Variants in CSMD1 observed in about 807,000 individuals in gnomAD.
CSMD1 encodes CUB and sushi domain-containing protein 1.
CSMD1 carries 213 observed loss-of-function variants against 417.5 expected under a neutral mutation model. That is an observed-to-expected ratio of 0.51 (90% CI 0.46 to 0.57). The LOEUF (loss-of-function observed/expected upper bound fraction) is 0.57, where lower values mean the gene tolerates loss of function less well. Ranked by LOEUF, CSMD1 falls within the 20% of genes least tolerant of loss-of-function variation. The pLI is 0.00. For synonymous variants in CSMD1, 2,862 were observed against 1,736.8 expected (o/e 1.65, Z -16.11); for missense variants, 6,923 against 4,529.7 (o/e 1.53, Z -15.17).
At chr8:4,826,075 G>C (rs116210487) in intron 1 of CSMD1, among the ~76,000 whole-genome samples, 7 of 151,902 alleles carry the variant, frequency 4.6e-5, no homozygotes, top group East Asian at 3.9e-4. Flanking sequence ...AAACAATATG[G>C]AGTTTCCTCA....
intron 1 of CSMD1, among the ~76,000 whole-genome samples, chr8:4,976,510 C>T (rs901016809): frequency 6.6e-6 from 1 of 152,076 alleles, no homozygotes; most frequent in Admixed American, 6.6e-5. Flanking sequence ...TTTATCCTTA[C>T]CTCTGTGGCA....
At chr8:3,197,632 A>T (rs1796775478) in intron 33 of CSMD1, among the ~76,000 whole-genome samples, 1 of 151,624 alleles carries the variant, frequency 6.6e-6, no homozygotes, top group South Asian at 2.1e-4. Context: ...CGCCCGGCTA[A>T]TTTTTGTATT....
At position 3,701,270 on chromosome 8, in the gene CSMD1, A is replaced by C. The variant is rs187207720; in HGVS notation, c.1009+7144T>G. ...TCTGGAATTGGATCATCTCGGGACA[A>C]CTTTCCGAAGATGAATATGAGTGAG... is the stretch of plus-strand genomic sequence containing the variant. On this transcript the variant is annotated intron_variant, in intron 7 of 69. Transcript: ENST00000635120. 2.6e-3 allele frequency among the ~76,000 whole-genome samples: 399 copies of C among 152,284 alleles called. 1 individual carries two copies. The highest frequency in any genetic ancestry group is 9.4e-3 in the African/African-American group (390 of 41,566).
At chr8:4,787,746 G>C (rs1419442048) in intron 1 of CSMD1, 32 of 1,588,458 alleles carry the variant, frequency 2.0e-5, no homozygotes, top group Non-Finnish European at 2.6e-5. Context: ...AGGAACAGCT[G>C]ATTGCTGCAA....
intron 1 of CSMD1, among the ~76,000 whole-genome samples, chr8:4,945,303 T>A (rs114607760): frequency 6.6e-6 from 1 of 152,100 alleles, no homozygotes; most frequent in Non-Finnish European, 1.5e-5. Context: ...GCAAAATAAA[T>A]AAGTCCTGGA....
chr8:3,845,453 A>C (rs1440274976), intron 5 of CSMD1, among the ~76,000 whole-genome samples: 1 of 152,172 alleles, frequency 6.6e-6, no homozygotes, highest in East Asian at 1.9e-4. Context: ...ACCACAGAAA[A>C]GGTACAGCTG....
chr8:4,729,245 C>T (rs1488098034), intron 1 of CSMD1, among the ~76,000 whole-genome samples: 3 of 151,834 alleles, frequency 2.0e-5, no homozygotes, highest in South Asian at 2.1e-4. Flanking sequence ...ATTATGCTGA[C>T]GAGGAAAGAA....
rs1414082808 is a variant in CSMD1, at chr8:4,768,014, C to T, written c.86-130456G>A. ...ATGGTGGGCATTCAATTCACATTTA[C>T]GTTCAACAGACACATGCGTTGAGTT... On this transcript the variant is annotated intron_variant, in intron 1 of 69. Coordinates refer to ENST00000635120, the MANE Select transcript of CSMD1 (RefSeq NM_033225.6). 4.0e-5 allele frequency among the ~76,000 whole-genome samples: 6 copies of T among 151,868 alleles called. No homozygotes were observed. In the East Asian group the frequency reaches 1.2e-3, roughly 30 times the overall value.
At chr8:3,442,972 T>G (rs1315200598) in intron 12 of CSMD1, among the ~76,000 whole-genome samples, 1 of 152,196 alleles carries the variant, frequency 6.6e-6, no homozygotes. Context: ...TTTTATTAAT[T>G]TAAATCATTA....
At chr8:4,836,480 A>G (rs1244391702) in intron 1 of CSMD1, among the ~76,000 whole-genome samples, 10 of 152,180 alleles carry the variant, frequency 6.6e-5, no homozygotes, top group Non-Finnish European at 1.2e-4. Flanking sequence ...GGCGCTCTTG[A>G]ATACGGCAGA....
intron 3 of CSMD1, among the ~76,000 whole-genome samples, chr8:4,299,680 C>G (rs924482686): frequency 2.6e-5 from 4 of 152,284 alleles, no homozygotes; most frequent in South Asian, 2.1e-4. Context: ...TGTCGCCAGG[C>G]TGGATGCAGT....
At chr8:3,570,156 TA>T (rs1799884932) in intron 10 of CSMD1, among the ~76,000 whole-genome samples, 1 of 152,202 alleles carries the variant, frequency 6.6e-6, no homozygotes, top group Non-Finnish European at 1.5e-5. Flanking sequence ...TCAAAGAACA[TA>T]CATCATGAGT....
At chr8:3,515,110 G>C (rs541237968) in intron 10 of CSMD1, among the ~76,000 whole-genome samples, 2 of 152,172 alleles carry the variant, frequency 1.3e-5, no homozygotes, top group South Asian at 2.1e-4. Context: ...TAAAAAATCA[G>C]TCATTAATGT....
chr8:4,386,305 C>T (rs1398294154), intron 3 of CSMD1, among the ~76,000 whole-genome samples: 1 of 152,120 alleles, frequency 6.6e-6, no homozygotes, highest in East Asian at 1.9e-4. Context: ...ACAAAACACA[C>T]TATCAGACAT....
intron 3 of CSMD1, among the ~76,000 whole-genome samples, chr8:4,215,142 G>C (rs527401210): frequency 2.0e-5 from 3 of 152,214 alleles, no homozygotes; most frequent in Non-Finnish European, 4.4e-5. Flanking sequence ...AACCTAGGGA[G>C]AGGGGACGCA....
chr8:4,342,358 C>T (rs111811285), intron 3 of CSMD1, among the ~76,000 whole-genome samples: 1 of 152,000 alleles, frequency 6.6e-6, no homozygotes, highest in Non-Finnish European at 1.5e-5. Flanking sequence ...TATGTGTATA[C>T]ATTCTACAGC....
chr8:3,442,138 T>C (rs1360909545), intron 12 of CSMD1, among the ~76,000 whole-genome samples: 2 of 152,034 alleles, frequency 1.3e-5, no homozygotes, highest in Middle Eastern at 3.2e-3. Flanking sequence ...AATATTTTTG[T>C]GCAACTGTAC....
intron 1 of CSMD1, among the ~76,000 whole-genome samples, chr8:4,704,837 T>C (rs1807816509): frequency 6.6e-6 from 1 of 152,146 alleles, no homozygotes; most frequent in African/African-American, 2.4e-5. Context: ...TGCATCTCTA[T>C]GCTGATGGGG....
intron 1 of CSMD1, among the ~76,000 whole-genome samples, chr8:4,834,550 A>G (rs1417328566): frequency 1.3e-5 from 2 of 152,194 alleles, no homozygotes; most frequent in Non-Finnish European, 2.9e-5. Flanking sequence ...GAAAACAACC[A>G]ATAGAAGGGA....
Sources: allele counts gnomAD v4.1 joint callset (sites outside exome capture counted in the v4.1 genomes callset), GRCh38; gene constraint gnomAD v4.1.1; transcripts MANE v1.5; gene names NCBI Gene and HGNC (gene_info 2026-07-23, HGNC 2026-07-21).